APTX: variants seen among roughly 807,000 people sequenced by gnomAD.
APTX encodes forkhead-associated domain histidine triad-like protein.
Under a neutral mutation model 42.3 loss-of-function variants are expected in APTX, and 33 were observed. The observed-to-expected ratio is 0.78, with a 90% CI of 0.59 to 1.04. The LOEUF (loss-of-function observed/expected upper bound fraction) is 1.04. Among genes scored for constraint, APTX ranks in the 50% least tolerant of loss-of-function variants. The pLI is 0.00. For synonymous variants in APTX, 130 were observed against 146.7 expected, an observed-to-expected ratio of 0.89 and a Z score of 0.82; for missense variants, 421 against 415.1, an observed-to-expected ratio of 1.01 and a Z score of -0.12.
At chr9:33,007,150 G>A (rs1837217034) in intron 1 of APTX, among the ~76,000 whole-genome samples, 1 of 152,044 alleles carries the variant, frequency 6.6e-6, no homozygotes, top group Admixed American at 6.6e-5. Context: ...TCCAAACTGA[G>A]GAAAGAGCAT....
rs772290850 is a variant in APTX, at chr9:32,972,640, G to C, written c.*858C>G. 3.0e-4 allele frequency: 120 copies of C among 400,960 alleles called. No individual in the cohort carries two copies. The highest frequency in any genetic ancestry group is 5.7e-4 in the Non-Finnish European group (115 of 203,196). 24.8% of individuals were successfully genotyped at this position (400,960 alleles called of 1,614,324 possible). A position where few individuals can be genotyped will look rare whatever the true frequency, so the allele number is the denominator to read the frequency against. ...CTGTTTTATCCAAATTTATTCTCAG[G>C]GAAAAAGAAAGTAGTGGCTCTACGC... On this transcript the variant is annotated 3_prime_UTR_variant, in exon 8 of 8. Coordinates refer to ENST00000379817, the MANE Select transcript of APTX (RefSeq NM_001195248.2).
At chr9:32,983,335 G>A (rs1831144158) in intron 6 of APTX, among the ~76,000 whole-genome samples, 1 of 152,118 alleles carries the variant, frequency 6.6e-6, no homozygotes, top group Non-Finnish European at 1.5e-5. Flanking sequence ...TATCTATGCT[G>A]AAGGAAATAA....
intron 1 of APTX, among the ~76,000 whole-genome samples, chr9:33,016,857 G>C (rs865995039): frequency 6.6e-6 from 1 of 152,132 alleles, no homozygotes; most frequent in Non-Finnish European, 1.5e-5. Context: ...AAGAGGCCAG[G>C]AACCATCTCC....
chr9:33,005,662 TG>T (rs1202698825), upstream of APTX, among the ~76,000 whole-genome samples: 7 of 151,978 alleles, frequency 4.6e-5, no homozygotes, highest in Non-Finnish European at 1.0e-4. Flanking sequence ...CTTGAACTCC[TG>T]GGCTCAAGCA....
chr9:32,990,376 T>C (rs1345757481), intron 1 of APTX, among the ~76,000 whole-genome samples: 6 of 152,132 alleles, frequency 3.9e-5, no homozygotes, highest in Admixed American at 3.9e-4. Context: ...TTTCACCATG[T>C]TGGCCAGGCT....
At chr9:33,013,494 T>G (rs140153102) in intron 1 of APTX, among the ~76,000 whole-genome samples, 1 of 152,178 alleles carries the variant, frequency 6.6e-6, no homozygotes, top group African/African-American at 2.4e-5. Flanking sequence ...GACAACATCA[T>G]GACTAGGCAG....
rs145658621 is a variant in APTX, at chr9:33,001,551, C to G, written c.-5+16G>C. The G allele has an allele frequency of 1.2e-6, 2 of 1,613,774 alleles. No homozygotes were observed. The highest frequency in any genetic ancestry group is 2.7e-5 in the African/African-American group (2 of 75,046). On this transcript the variant is annotated intron_variant, in intron 1 of 7. Transcript: ENST00000379817. ...GAGCCCAGCCAGCAGAAGAGATAGGCTGACGACCGCCTTACCTCCAGAAGT... is the reference window on the plus strand; with the variant it reads ...GAGCCCAGCCAGCAGAAGAGATAGGGTGACGACCGCCTTACCTCCAGAAGT...
At chr9:33,015,419 G>A (rs1476504167) in intron 1 of APTX, among the ~76,000 whole-genome samples, 2 of 152,112 alleles carry the variant, frequency 1.3e-5, no homozygotes, top group Admixed American at 6.5e-5. Flanking sequence ...GAGTGCAATG[G>A]CGCGATCTCA....
At chr9:32,989,496 C>T (rs916594873) in intron 2 of APTX, 3 of 597,038 alleles carry the variant, frequency 5.0e-6, no homozygotes, top group Admixed American at 2.2e-5. Flanking sequence ...GAAAGGAGGG[C>T]AGGACTCAAT....
chr9:33,021,275 AAAAT>A lies in APTX; in HGVS notation c.-5+3744_-5+3747del, dbSNP rs560715513. 2.9e-3 allele frequency among the ~76,000 whole-genome samples: 438 copies of A among 152,322 alleles called. 2 individuals are homozygous for A. The highest frequency in any genetic ancestry group is 0.01 in the African/African-American group (422 of 41,576). On this transcript the variant is annotated intron_variant, in intron 1 of 6. Transcript: ENST00000436040. ...TGAAGACCTAGTTTAAAAAATGAAGAAAATAAATATACAGTTATATGTTCATGAG... is the reference window on the plus strand; with the variant it reads ...TGAAGACCTAGTTTAAAAAATGAAGAAAATATACAGTTATATGTTCATGAG...
chr9:32,991,696 G>GAACCCAGGA (rs1241347161), intron 1 of APTX, among the ~76,000 whole-genome samples: 1 of 151,576 alleles, frequency 6.6e-6, no homozygotes, highest in Non-Finnish European at 1.5e-5. Context: ...AAAATTGCTT[G>GAACCCAGGA]AACCCAGGAG....
At chr9:33,022,193 T>C (rs1435165308) in intron 1 of APTX, among the ~76,000 whole-genome samples, 1 of 152,060 alleles carries the variant, frequency 6.6e-6, no homozygotes, top group Non-Finnish European at 1.5e-5. Context: ...AGAAAACAAT[T>C]GTAACACATG....
At chr9:32,997,862 T>A (rs1835324205) in intron 1 of APTX, among the ~76,000 whole-genome samples, 1 of 152,158 alleles carries the variant, frequency 6.6e-6, no homozygotes. Context: ...CATGGACAGA[T>A]CTTTAAAGAT....
intron 1 of APTX, among the ~76,000 whole-genome samples, chr9:33,006,791 G>C (rs1837176687): frequency 6.6e-6 from 1 of 151,916 alleles, no homozygotes; most frequent in South Asian, 2.1e-4. Context: ...ACGAGGTCAG[G>C]AGATCGAGAC....
intron 6 of APTX, among the ~76,000 whole-genome samples, chr9:32,978,624 A>G (rs1415267329): frequency 6.6e-6 from 1 of 152,204 alleles, no homozygotes; most frequent in Non-Finnish European, 1.5e-5. Flanking sequence ...AGGGTTGCTA[A>G]GATGATGAAA....
intron 1 of APTX, among the ~76,000 whole-genome samples, chr9:32,995,006 T>TA (rs919764519): frequency 3.9e-5 from 6 of 151,968 alleles, no homozygotes; most frequent in Middle Eastern, 3.2e-3. Context: ...CTACTGCTCA[T>TA]AAAAAAAAGA....
chr9:32,998,089 G>T (rs1835384895), intron 1 of APTX, among the ~76,000 whole-genome samples: 1 of 152,202 alleles, frequency 6.6e-6, no homozygotes, highest in South Asian at 2.1e-4. Flanking sequence ...TGATGAATGT[G>T]ATAAGAGTTA....
At chr9:33,021,293 T>C (rs1838361210) in intron 1 of APTX, among the ~76,000 whole-genome samples, 1 of 152,176 alleles carries the variant, frequency 6.6e-6, no homozygotes, top group Admixed American at 6.5e-5. Context: ...TATACAGTTA[T>C]ATGTTCATGA....
upstream of APTX, among the ~76,000 whole-genome samples, chr9:33,004,546 C>G (rs1175218154): frequency 6.6e-6 from 1 of 151,800 alleles, no homozygotes; most frequent in South Asian, 2.1e-4. Flanking sequence ...GGAACTGTCA[C>G]ACTGTTTTCC....
Sources: allele counts gnomAD v4.1 joint callset (sites outside exome capture counted in the v4.1 genomes callset), GRCh38; gene constraint gnomAD v4.1.1; transcripts MANE v1.5; gene names NCBI Gene and HGNC (gene_info 2026-07-23, HGNC 2026-07-21).